SOD2: variants seen among roughly 807,000 people sequenced by gnomAD.
The protein encoded by SOD2 is superoxide dismutase [Mn], mitochondrial.
In SOD2, 11 loss-of-function variants were observed where a neutral mutation model predicts 27.0. The observed-to-expected ratio is 0.41, with a 90% CI of 0.26 to 0.67. The LOEUF (loss-of-function observed/expected upper bound fraction) is 0.67. SOD2 is among the 30% of genes least tolerant of loss of function. The pLI, the probability that SOD2 is intolerant of heterozygous loss-of-function variation, is 0.34. For missense variants in SOD2, 250 were observed against 274.5 expected, an observed-to-expected ratio of 0.91 and a Z score of 0.63; for synonymous variants, 105 against 103.0, an observed-to-expected ratio of 1.02 and a Z score of -0.12.
chr6:159,721,574 G>A (rs1778041038), intron 1 of SOD2, among the ~76,000 whole-genome samples: 1 of 150,560 alleles, frequency 6.6e-6, no homozygotes, highest in Admixed American at 6.6e-5. Flanking sequence ...CTCCACGTTG[G>A]TCAGGCTGGT....
upstream of SOD2, chr6:159,727,374 T>TGGCGGGAGGCGGGGGGCGGGAGGCGGGA (rs1778238245): frequency 9.8e-7 from 1 of 1,021,480 alleles, no homozygotes; most frequent in African/African-American, 2.1e-5. Context: ...GCGGGGAGGC[T>TGGCGGGAGGCGGGGGGCGGGAGGCGGGA]GGCGGGAGGC....
At chr6:159,733,478 T>C (rs1778714341) in intron 1 of SOD2, among the ~76,000 whole-genome samples, 1 of 151,780 alleles carries the variant, frequency 6.6e-6, no homozygotes, top group Non-Finnish European at 1.5e-5. Context: ...AAAAATTAAC[T>C]GGGTGTGGTG....
chr6:159,743,540 A>G (rs2114928013), intron 1 of SOD2: 6 of 946,568 alleles, frequency 6.3e-6, no homozygotes, highest in Middle Eastern at 7.4e-4. Flanking sequence ...CGCCTGTTAT[A>G]AAAGTAGTTA....
chr6:159,721,431 C>T (rs1359420171), intron 1 of SOD2, among the ~76,000 whole-genome samples: 3 of 151,782 alleles, frequency 2.0e-5, no homozygotes, highest in Admixed American at 6.6e-5. Flanking sequence ...TGCAATGGTG[C>T]GATCTTGGCT....
intron 3 of SOD2, among the ~76,000 whole-genome samples, chr6:159,685,676 C>A (rs1027079834): frequency 6.2e-5 from 3 of 48,408 alleles, no homozygotes; most frequent in Non-Finnish European, 1.7e-4. Context: ...CACCCCCCGT[C>A]CCCTTCTTTC....
Position 159,738,705 on chromosome 6 carries a change from C to T in SOD2, c.-116+6425G>A, listed in dbSNP as rs1255236859. Among the ~76,000 whole-genome samples the T allele has an allele frequency of 2.0e-5, 3 of 152,256 alleles. No individual in the cohort carries two copies. In the East Asian group the frequency reaches 5.8e-4, roughly 29 times the overall value. Reference sequence around the variant, plus strand: ...AAACTTCAGTTTCTCTGAATCCTCACCAGCGTTTGGTGTTGCCACTAATTT... The same window carrying T: ...AAACTTCAGTTTCTCTGAATCCTCATCAGCGTTTGGTGTTGCCACTAATTT... On this transcript the variant is annotated intron_variant, in intron 1 of 3. Coordinates refer to the SOD2 transcript ENST00000537657.
intron 1 of SOD2, among the ~76,000 whole-genome samples, chr6:159,709,324 C>A (rs535499854): frequency 2.6e-5 from 4 of 152,158 alleles, no homozygotes; most frequent in Admixed American, 2.6e-4. Flanking sequence ...TTAGACTGAA[C>A]AGGCAACCTA....
rs146623701 is a variant in SOD2 at position 159,732,886 on chromosome 6, A to ATAGTGTGT, written c.-116+12243_-116+12244insACACACTA. ...TCTCTCTCTCTCTGTATATATATAT[A>ATAGTGTGT]GTGTGTGTGTGTGTGTGTGTGTGTG... On this transcript the variant is annotated intron_variant, in intron 1 of 3. Transcript: ENST00000537657. Among the ~76,000 whole-genome samples, 834 of 146,464 alleles carry ATAGTGTGT rather than the reference A, an allele frequency of 5.7e-3. 10 individuals carry two copies. Among genetic ancestry groups the ATAGTGTGT allele is most frequent in the African/African-American group, 0.021 (793 of 38,380 alleles).
At chr6:159,721,265 C>T (rs981067346) in intron 1 of SOD2, among the ~76,000 whole-genome samples, 3 of 151,986 alleles carry the variant, frequency 2.0e-5, no homozygotes, top group Non-Finnish European at 4.4e-5. Flanking sequence ...GATGGGGTTT[C>T]ACCATGTTAG....
At chr6:159,690,677 T>C (rs1780417955) in intron 2 of SOD2, among the ~76,000 whole-genome samples, 1 of 152,138 alleles carries the variant, frequency 6.6e-6, no homozygotes, top group South Asian at 2.1e-4. Flanking sequence ...ACTCTAAAAA[T>C]AGATGTAACT....
intron 1 of SOD2, chr6:159,736,188 A>G (rs566266322): frequency 2.1e-6 from 3 of 1,420,226 alleles, no homozygotes; most frequent in Non-Finnish European, 2.0e-6. Flanking sequence ...TGAAAGAGTC[A>G]GTATTTTTTA....
In SOD2 at chr6:159,682,536, T is replaced by G; in HGVS notation, c.626A>C (p.Asn209Thr). The change falls in exon 5 of 5, where the codon AAC becomes ACC. Residue 209 changes from asparagine to threonine, a missense_variant. Coordinates refer to ENST00000538183, the MANE Select transcript of SOD2 (RefSeq NM_000636.4). ...GTATCTTTCAGTTACATTCTCCCAGTTGATTACATTCCAAATAGCTTTTAG... is the reference window on the plus strand; with the variant it reads ...GTATCTTTCAGTTACATTCTCCCAGGTGATTACATTCCAAATAGCTTTTAG... ...DYLKAIWNVI[N>T]WENVTERYMA... The G allele has an allele frequency of 6.2e-7, 1 of 1,614,094 alleles. No individual in the cohort carries two copies. Among genetic ancestry groups the G allele is most frequent in the Non-Finnish European group, 8.5e-7 (1 of 1,179,972 alleles).
chr6:159,748,047 G>T (rs1233196628), upstream of SOD2: 6 of 1,103,246 alleles, frequency 5.4e-6, no homozygotes, highest in African/African-American at 7.9e-5. The surrounding 1 kb of genome is among the most constrained non-coding windows in gnomAD (Gnocchi z 5.6). Context: ...AAAGTTTTAA[G>T]ATTTTTCTAG....
intron 1 of SOD2, among the ~76,000 whole-genome samples, chr6:159,699,873 C>A (rs1777494189): frequency 1.3e-5 from 2 of 152,236 alleles, no homozygotes; most frequent in South Asian, 4.1e-4. Flanking sequence ...GCCTCGCATA[C>A]CACCCAGGTC....
rs771361951 is a variant in SOD2 at position 159,688,197 on chromosome 6, T to C, written c.272A>G (p.Asn91Ser). Residue 91 changes from asparagine to serine, a missense_variant, in exon 3 of 5, where the codon AAT becomes AGT. By Grantham distance (46) the Asn-to-Ser change is conservative. Transcript: ENST00000538183. ...GCTATGATTGATATGACCACCACCA[T>C]TGAACTTCAGTGCAGGCTGAAGAGC... ...QIALQPALKF[N>S]GGGHINHSIF... 44 of 1,613,868 alleles carry C rather than the reference T, an allele frequency of 2.7e-5. No homozygotes were observed. Among genetic ancestry groups the C allele is most frequent in the Admixed American group, 2.3e-4 (14 of 60,014 alleles).
rs543666808 is a variant in SOD2, at chr6:159,732,522, C to T, written c.-116+12608G>A. Among the ~76,000 whole-genome samples the T allele has an allele frequency of 3.3e-5, 5 of 152,272 alleles. No homozygotes were observed. In the South Asian group the frequency reaches 1.0e-3, roughly 32 times the overall value. ...GTACAGCTCAAATAGCTAAAATTGT[C>T]TTTAAGATTTTTTAAATTAAAAATA... is the stretch of plus-strand genomic sequence containing the variant. On this transcript the variant is annotated intron_variant, in intron 1 of 3. Coordinates refer to the SOD2 transcript ENST00000537657.
rs920672292 is a variant in SOD2 at position 159,680,063 on chromosome 6, T to G, written c.*2430A>C. Reference sequence around the variant, plus strand: ...TGAAGGAAAGAATGCTTCCTCACTCTCTCACCAGAAAGCCAAAGCAAAAAT... The same window carrying G: ...TGAAGGAAAGAATGCTTCCTCACTCGCTCACCAGAAAGCCAAAGCAAAAAT... On this transcript the variant is annotated 3_prime_UTR_variant, in exon 5 of 5. Transcript: ENST00000538183. The G allele has an allele frequency of 6.6e-6, 1 of 152,194 alleles. No individual in the cohort carries two copies. Among genetic ancestry groups the G allele is most frequent in the African/African-American group, 2.4e-5 (1 of 41,440 alleles). The allele number at this position is 152,194 out of a possible 1,614,324, so 9.4% of individuals were successfully genotyped here.
At chr6:159,761,928 C>G in exon 1 of SOD2, 1 of 869,044 alleles carries the variant, frequency 1.2e-6, no homozygotes. Context: ...CGGCCTTGCG[C>G]CTGCGCACAG....
At chr6:159,742,552 A>G (rs925295420) in intron 1 of SOD2, among the ~76,000 whole-genome samples, 1 of 152,188 alleles carries the variant, frequency 6.6e-6, no homozygotes, top group Non-Finnish European at 1.5e-5. Context: ...ATCAATATAT[A>G]TAACTTAATA....
Sources: allele counts gnomAD v4.1 joint callset (sites outside exome capture counted in the v4.1 genomes callset), GRCh38; gene constraint gnomAD v4.1.1; non-coding constraint Gnocchi (gnomAD v3.1); transcripts MANE v1.5; gene names NCBI Gene and HGNC (gene_info 2026-07-23, HGNC 2026-07-21).